Variants in CHLSN observed in about 807,000 individuals in gnomAD.
The protein encoded by CHLSN is cholesin.
chr7:985,897 C>T, the CHLSN span, among the ~76,000 whole-genome samples: 39,314 of 152,018 alleles, frequency 0.26, 5,568 homozygotes, highest in East Asian at 0.51. Context: ...GAGGCAGGGC[C>T]GTGATGGGAG....
the CHLSN span, chr7:1,055,166 C>T: frequency 2.4e-5 from 11 of 457,368 alleles, no homozygotes; most frequent in South Asian, 4.8e-5. Context: ...GTTTGCAGTG[C>T]GGTCCCGTCC....
At chr7:1,028,216 C>T in the CHLSN span, 1 of 1,061,706 alleles carries the variant, frequency 9.4e-7, no homozygotes. Flanking sequence ...CTCCCATCCC[C>T]TCCCTGCAGC....
At chr7:1,038,974 T>C in the CHLSN span, among the ~76,000 whole-genome samples, 2 of 62,352 alleles carry the variant, frequency 3.2e-5, no homozygotes, top group African/African-American at 6.6e-5. Flanking sequence ...GAGGAGCCCC[T>C]CTGCCCGGCC....
the CHLSN span, among the ~76,000 whole-genome samples, chr7:1,033,235 T>G: frequency 3.9e-5 from 6 of 152,248 alleles, no homozygotes; most frequent in East Asian, 7.7e-4. Context: ...TGGAGTTCAC[T>G]CCAGAGGTGG....
At chr7:1,112,520 C>G in the CHLSN span, among the ~76,000 whole-genome samples, 3 of 152,202 alleles carry the variant, frequency 2.0e-5, no homozygotes, top group African/African-American at 7.2e-5. Context: ...GACAGGAACA[C>G]CGTGGATGGC....
At chr7:998,152 C>A in the CHLSN span, among the ~76,000 whole-genome samples, 1 of 152,144 alleles carries the variant, frequency 6.6e-6, no homozygotes, top group Non-Finnish European at 1.5e-5. Flanking sequence ...AAGCCAAGTA[C>A]GCGCCGGCAC....
chr7:1,036,182 T>G, the CHLSN span, among the ~76,000 whole-genome samples: 2 of 152,182 alleles, frequency 1.3e-5, no homozygotes, highest in Non-Finnish European at 2.9e-5. Context: ...GCTGTAACAG[T>G]GGATGCACAG....
At chr7:1,132,829 C>T in the CHLSN span, among the ~76,000 whole-genome samples, 21,145 of 151,812 alleles carry the variant, frequency 0.14, 1,724 homozygotes, top group Middle Eastern at 0.27. Flanking sequence ...ACAAATAACC[C>T]GGTTTTTAAA....
the CHLSN span, among the ~76,000 whole-genome samples, chr7:1,065,606 G>A: frequency 3.3e-5 from 5 of 152,200 alleles, no homozygotes; most frequent in Non-Finnish European, 7.3e-5. Context: ...CTCCAGAGCA[G>A]GGAACCCACC....
chr7:1,090,870 A>T, the CHLSN span, among the ~76,000 whole-genome samples: 1 of 152,210 alleles, frequency 6.6e-6, no homozygotes, highest in Admixed American at 6.5e-5. Flanking sequence ...AAATAAGTTT[A>T]TTTTTGGTAC....
the CHLSN span, chr7:1,093,719 G>A: frequency 2.4e-3 from 1,132 of 465,558 alleles, 11 homozygotes; most frequent in African/African-American, 0.019. Flanking sequence ...GGACAACTGC[G>A]GTGATGATGT....
the CHLSN span, among the ~76,000 whole-genome samples, chr7:1,084,146 C>A: frequency 1.6e-4 from 24 of 152,246 alleles, no homozygotes; most frequent in Non-Finnish European, 2.1e-4. Context: ...CGGCAAAACC[C>A]GCACACCCCA....
the CHLSN span, among the ~76,000 whole-genome samples, chr7:1,000,739 G>A: frequency 2.0e-5 from 3 of 152,140 alleles, no homozygotes; most frequent in East Asian, 1.9e-4. Flanking sequence ...GCAACCCCAC[G>A]CCCTGCTGCC....
the CHLSN span, chr7:1,009,802 G>T: frequency 1.4e-6 from 1 of 698,034 alleles, no homozygotes; most frequent in Non-Finnish European, 2.2e-6. Context: ...AGAAAGGGCA[G>T]CGGCGGCAGC....
the CHLSN span, chr7:983,212 A>G: frequency 3.3e-6 from 5 of 1,502,746 alleles, no homozygotes; most frequent in East Asian, 2.6e-5. Flanking sequence ...CCACGTCCTC[A>G]TGGCCCTGCT....
the CHLSN span, chr7:1,092,886 G>T: frequency 1.1e-5 from 18 of 1,596,972 alleles, no homozygotes; most frequent in East Asian, 4.0e-4. Context: ...CCCAGCCAGG[G>T]TGTGACTCGG....
At chr7:1,081,187 G>A in the CHLSN span, among the ~76,000 whole-genome samples, 10 of 152,244 alleles carry the variant, frequency 6.6e-5, no homozygotes, top group South Asian at 2.1e-4. Context: ...GGACGGTGCC[G>A]GGCAGTGCCG....
chr7:1,032,746 C>A, the CHLSN span, among the ~76,000 whole-genome samples: 9 of 152,240 alleles, frequency 5.9e-5, no homozygotes, highest in Admixed American at 5.9e-4. Context: ...CCATGACAGG[C>A]AGGGGCAGGA....
the CHLSN span, among the ~76,000 whole-genome samples, chr7:1,117,481 G>A: frequency 7.7e-6 from 1 of 129,530 alleles, no homozygotes; most frequent in South Asian, 2.6e-4. Flanking sequence ...CAGTTCTACG[G>A]ACCGGCTTCC....
Sources: allele counts gnomAD v4.1 joint callset (sites outside exome capture counted in the v4.1 genomes callset), GRCh38; gene constraint gnomAD v4.1.1; transcripts MANE v1.5; gene names NCBI Gene and HGNC (gene_info 2026-07-23, HGNC 2026-07-21).